Variants in WDR33 observed in about 807,000 individuals in gnomAD.
WDR33 encodes the protein pre-mRNA 3' end processing protein WDR33.
In WDR33, 47 loss-of-function variants were observed where a neutral mutation model predicts 164.9. The ratio of observed to expected loss-of-function variants is 0.29; its 90% CI spans 0.23 to 0.36. WDR33 has a LOEUF of 0.36. Among genes scored for constraint, WDR33 ranks in the 10% least tolerant of loss-of-function variants. The pLI is 1.00. For synonymous variants in WDR33, 505 were observed against 589.0 expected (o/e 0.86, Z 2.06); for missense variants, 1,137 against 1,754.1 (o/e 0.65, Z 6.28).
Position 127,712,925 on chromosome 2 carries a change from A to G in WDR33, c.3308+658T>C, listed in dbSNP as rs1364941986. 1.3e-5 allele frequency among the ~76,000 whole-genome samples: 2 copies of G among 152,078 alleles called. No homozygotes were observed. Among genetic ancestry groups the G allele is most frequent in the African/African-American group, 4.8e-5 (2 of 41,406 alleles). ...ATGCACCACCAAACCCAGCTAATTAAAAAATTTTTTTTGTAGAGATGGAGT... is the reference window on the plus strand; with the variant it reads ...ATGCACCACCAAACCCAGCTAATTAGAAAATTTTTTTTGTAGAGATGGAGT... On this transcript the variant is annotated intron_variant, in intron 18 of 21. Transcript: ENST00000322313. The surrounding 1 kb of genome is among the most constrained non-coding windows in gnomAD (Gnocchi z 4.0).
intron 7 of WDR33, among the ~76,000 whole-genome samples, chr2:127,759,843 C>A (rs1260483059): frequency 1.3e-5 from 2 of 152,068 alleles, no homozygotes; most frequent in Non-Finnish European, 2.9e-5. Context: ...GAGTTTGAGA[C>A]CAGCCTGGGC....
chr2:127,720,401 C>T lies in WDR33; in HGVS notation c.1672-48G>A. The T allele has an allele frequency of 1.3e-6, 2 of 1,485,324 alleles. No homozygotes were observed. Among genetic ancestry groups the T allele is most frequent in the Non-Finnish European group, 1.8e-6 (2 of 1,119,766 alleles). 92.0% of individuals were successfully genotyped at this position (1,485,324 alleles called of 1,614,324 possible). On this transcript the variant is annotated intron_variant, in intron 15 of 21. Transcript: ENST00000322313. The surrounding 1 kb of genome is among the most constrained non-coding windows in gnomAD (Gnocchi z 5.9). ...GCATGTTGAATAAACAGGCCAGAGC[C>T]CTTGAAGATGACAATATTGCTATCA...
At chr2:127,793,515 A>G (rs148185639) in intron 1 of WDR33, among the ~76,000 whole-genome samples, 4,751 of 151,962 alleles carry the variant, frequency 0.031, 107 homozygotes, top group Middle Eastern at 0.044. Context: ...CCAAGGCAGG[A>G]GGATCACTTG....
chr2:127,769,027 A>AAAT (rs774565856), intron 2 of WDR33, 26 bp from the exon 3 acceptor site: 3 of 1,269,276 alleles, frequency 2.4e-6, no homozygotes, highest in Non-Finnish European at 3.1e-6. Context: ...ATAAATAAAT[A>AAAT]AATAAATAAA....
intron 8 of WDR33, 143 bp from the exon 9 acceptor site, chr2:127,725,358 G>T: frequency 1.3e-6 from 1 of 767,880 alleles, no homozygotes; most frequent in Non-Finnish European, 2.0e-6. Context: ...AAGGATCACA[G>T]TTATAAACAC....
Position 127,702,000 on chromosome 2 carries a change from T to C in WDR33, c.*4323A>G, listed in dbSNP as rs939399462. ...CATGGCAGCGCTGGGCGCCACGCTG[T>C]TCGCCGCGCTGGGCCTTCGCAGCAC... On this transcript the variant is annotated 3_prime_UTR_variant, in exon 22 of 22. Coordinates refer to ENST00000322313, the MANE Select transcript of WDR33 (RefSeq NM_018383.5). 3.0e-6 allele frequency: 4 copies of C among 1,323,098 alleles called. No individual in the cohort carries two copies. Among genetic ancestry groups the C allele is most frequent in the Admixed American group, 4.1e-5 (1 of 24,482 alleles). 82.0% of individuals were successfully genotyped at this position (1,323,098 alleles called of 1,614,324 possible). A position where few individuals can be genotyped will look rare whatever the true frequency, so the allele number is the denominator to read the frequency against.
chr2:127,757,374 T>C (rs1021359945), intron 7 of WDR33, among the ~76,000 whole-genome samples: 3 of 152,210 alleles, frequency 2.0e-5, no homozygotes, highest in Admixed American at 1.3e-4. Context: ...TTAAATAATG[T>C]GCTTTAGATG....
At chr2:127,729,744 C>T (rs1381715948) in intron 7 of WDR33, among the ~76,000 whole-genome samples, 1 of 152,230 alleles carries the variant, frequency 6.6e-6, no homozygotes, top group East Asian at 1.9e-4. Flanking sequence ...ATCCGCCCAC[C>T]TCGGCCTCCC....
rs934654497 is a variant in WDR33, at chr2:127,720,574, A to AT, written c.1672-222dup. ...TAAGTCCTGGGACACAGTAGTAAGGATTTTTTTTTCCTTATTTTTTTTTTC... is the reference window on the plus strand; with the variant it reads ...TAAGTCCTGGGACACAGTAGTAAGGATTTTTTTTTTCCTTATTTTTTTTTTC... On this transcript the variant is annotated intron_variant, in intron 15 of 21. Transcript: ENST00000322313. This position sits in a 1 kb window ranked among gnomAD's most constrained non-coding sequence, Gnocchi z 5.9. 6.0e-5 allele frequency among the ~76,000 whole-genome samples: 9 copies of AT among 150,768 alleles called. No individual in the cohort carries two copies. In the South Asian group the frequency reaches 1.1e-3, roughly 18 times the overall value.
At position 127,741,242 on chromosome 2, in the gene WDR33, C is replaced by A. The variant is rs1380989110; in HGVS notation, c.725-14465G>T. On this transcript the variant is annotated intron_variant, in intron 7 of 21. Coordinates refer to ENST00000322313, the MANE Select transcript of WDR33 (RefSeq NM_018383.5). The surrounding 1 kb of genome is among the most constrained non-coding windows in gnomAD (Gnocchi z 4.1). ...GATTTGAGGCTGAAGAGTAAAGCAG[C>A]ACAAAGTCTGCAGAAATGCCACGGA... Among the ~76,000 whole-genome samples the A allele has an allele frequency of 2.0e-5, 3 of 152,044 alleles. No homozygotes were observed. The highest frequency in any genetic ancestry group is 4.4e-5 in the Non-Finnish European group (3 of 68,032).
intron 7 of WDR33, among the ~76,000 whole-genome samples, chr2:127,750,540 G>A (rs565200640): frequency 1.1e-4 from 16 of 148,482 alleles, no homozygotes; most frequent in Non-Finnish European, 8.9e-5. Context: ...CCAGCTACCC[G>A]AGAGGCTGAG....
intron 7 of WDR33, among the ~76,000 whole-genome samples, chr2:127,750,650 TAAAA>T (rs1174539929): frequency 0.011 from 170 of 14,914 alleles, 4 homozygotes; most frequent in African/African-American, 0.039. Flanking sequence ...AACTCCATCT[TAAAA>T]AAAAAAAAAA....
intron 1 of WDR33, among the ~76,000 whole-genome samples, chr2:127,802,912 T>C (rs1558965548): frequency 6.6e-6 from 1 of 151,918 alleles, no homozygotes; most frequent in Admixed American, 6.6e-5. Context: ...ACCTGCGAGG[T>C]TGAGGCTACA....
rs1044594183 is a variant in WDR33 at position 127,720,315 on chromosome 2, C to T, written c.1710G>A (p.Glu570=). The change falls in exon 16 of 22, where the codon GAG becomes GAA. Residue 570 remains glutamate, a synonymous_variant. Coordinates refer to ENST00000322313, the MANE Select transcript of WDR33 (RefSeq NM_018383.5). This position sits in a 1 kb window ranked among gnomAD's most constrained non-coding sequence, Gnocchi z 5.9. ...KIERLAQKQV[E]QIQPPPSSGT... is the part of the protein sequence containing the mutation. ...CAGATGAGGGAGGAGGCTGAATTTG[C>T]TCAACTTGTTTCTGTGCAAGTCTTT... The T allele has an allele frequency of 1.3e-6, 2 of 1,513,088 alleles. No homozygotes were observed. Among genetic ancestry groups the T allele is most frequent in the African/African-American group, 2.8e-5 (2 of 71,542 alleles). 93.7% of individuals were successfully genotyped at this position (1,513,088 alleles called of 1,614,324 possible).
At chr2:127,771,792 G>A (rs978447380) in intron 1 of WDR33, among the ~76,000 whole-genome samples, 1 of 151,194 alleles carries the variant, frequency 6.6e-6, no homozygotes, top group Non-Finnish European at 1.5e-5. Flanking sequence ...AAGGAAGGAG[G>A]GAGGGAGGGA....
rs887713348 is a variant in WDR33 at position 127,741,194 on chromosome 2, T to C, written c.725-14417A>G. Among the ~76,000 whole-genome samples, 1 of 152,120 alleles carries C rather than the reference T, an allele frequency of 6.6e-6. No individual in the cohort carries two copies. The highest frequency in any genetic ancestry group is 2.4e-5 in the African/African-American group (1 of 41,406). On this transcript the variant is annotated intron_variant, in intron 7 of 21. Coordinates refer to ENST00000322313, the MANE Select transcript of WDR33 (RefSeq NM_018383.5). This position sits in a 1 kb window ranked among gnomAD's most constrained non-coding sequence, Gnocchi z 4.1. ...ATTTGTTACAAAAAGCACATTTCAG[T>C]CTGGGAAGAAACCCTAGAGCAGGAT...
At chr2:127,772,709 AGTTTATATCT>A (rs1284039932) in intron 1 of WDR33, among the ~76,000 whole-genome samples, 1 of 152,196 alleles carries the variant, frequency 6.6e-6, no homozygotes. Flanking sequence ...GGTAACATTA[AGTTTATATCT>A]GAAGAGGAAA....
chr2:127,761,252 G>A (rs1246760773), intron 7 of WDR33, among the ~76,000 whole-genome samples: 2 of 151,756 alleles, frequency 1.3e-5, no homozygotes, highest in Non-Finnish European at 1.5e-5. Context: ...CCAGGCTGAA[G>A]TGCAGTGGTG....
At chr2:127,745,079 G>A (rs890259545) in intron 7 of WDR33, among the ~76,000 whole-genome samples, 6 of 152,108 alleles carry the variant, frequency 3.9e-5, no homozygotes, top group African/African-American at 1.4e-4. Flanking sequence ...CCTGATCACA[G>A]GACCAGATAT....
Sources: gnomAD v4.1 joint callset for allele counts (sites outside exome capture counted in the v4.1 genomes callset) on GRCh38, gnomAD v4.1.1 for gene constraint, Gnocchi (gnomAD v3.1) non-coding constraint, MANE v1.5 for transcripts, NCBI Gene and HGNC (gene_info 2026-07-23, HGNC 2026-07-21) for gene names.